PABPC1: variants seen among roughly 807,000 people sequenced by gnomAD.
PABPC1 encodes the protein polyadenylate-binding protein 1.
In PABPC1, 4 loss-of-function variants were observed where a neutral mutation model predicts 74.0. The ratio of observed to expected loss-of-function variants is 0.05; its 90% CI spans 0.03 to 0.12. PABPC1 has a LOEUF of 0.12. Among genes scored for constraint, PABPC1 ranks in the 10% least tolerant of loss-of-function variants. PABPC1 has a pLI of 1.00. For synonymous variants in PABPC1, 227 were observed against 264.1 expected (o/e 0.86, Z 1.36); for missense variants, 271 against 821.1 (o/e 0.33, Z 8.19).
At position 100,712,352 on chromosome 8, in the gene PABPC1, G is replaced by C. The variant is rs754801012; in HGVS notation, c.972+10C>G. The C allele has an allele frequency of 7.3e-7, 1 of 1,369,994 alleles. No homozygotes were observed. Among genetic ancestry groups the C allele is most frequent in the African/African-American group, 1.5e-5 (1 of 68,012 alleles). 84.9% of individuals were successfully genotyped at this position (1,369,994 alleles called of 1,614,324 possible). On this transcript the variant is annotated intron_variant, in intron 7 of 14. Coordinates refer to ENST00000318607, the MANE Select transcript of PABPC1 (RefSeq NM_002568.4). Reference sequence around the variant, plus strand: ...TAGACCTCAAATAAATGAACCATATGTTTTCTTACCTTTGCACTAGTGATT... The same window carrying C: ...TAGACCTCAAATAAATGAACCATATCTTTTCTTACCTTTGCACTAGTGATT...
At chr8:100,716,935 C>T (rs557104695) in intron 3 of PABPC1, among the ~76,000 whole-genome samples, 5 of 152,338 alleles carry the variant, frequency 3.3e-5, no homozygotes, top group African/African-American at 9.6e-5. Flanking sequence ...AGCAACATAT[C>T]ATTCTTTTCT....
At chr8:100,715,668 ATGGT>A (rs1810650901) in intron 3 of PABPC1, 67 bp from the exon 4 acceptor site, 3 of 1,210,140 alleles carry the variant, frequency 2.5e-6, no homozygotes, top group South Asian at 1.7e-5. Flanking sequence ...AGTAAGCCTG[ATGGT>A]TGGTTTTGTT....
intron 3 of PABPC1, among the ~76,000 whole-genome samples, chr8:100,716,261 TGTG>T (rs1288226958): frequency 6.6e-6 from 1 of 152,072 alleles, no homozygotes; most frequent in African/African-American, 2.4e-5. Context: ...ATTAGTTGGG[TGTG>T]GTGGTGTACA....
At chr8:100,713,803 G>C (rs1427173249) in intron 4 of PABPC1, among the ~76,000 whole-genome samples, 1 of 152,004 alleles carries the variant, frequency 6.6e-6, no homozygotes, top group Non-Finnish European at 1.5e-5. Flanking sequence ...GATTTTCTTT[G>C]TATCAATTAA....
Position 100,705,465 on chromosome 8 carries a change from T to A in PABPC1, c.1687+124A>T, listed in dbSNP as rs562040836. 3 of 734,134 alleles carry A rather than the reference T, an allele frequency of 4.1e-6. 1 individual carries two copies. Among genetic ancestry groups the A allele is most frequent in the South Asian group, 3.0e-5 (2 of 67,068 alleles). 45.5% of individuals were successfully genotyped at this position (734,134 alleles called of 1,614,324 possible). On this transcript the variant is annotated intron_variant, in intron 12 of 14. Transcript: ENST00000318607. The stretch of plus-strand genomic sequence containing the variant: ...ATTAGGCAGACCAACTGTACTATCA[T>A]AATCATTCATGCCAATTCAGATCAA...
Position 100,705,522 on chromosome 8 carries a change from T to C in PABPC1, c.1687+67A>G, listed in dbSNP as rs868808319. On this transcript the variant is annotated intron_variant, in intron 12 of 14. Transcript: ENST00000318607. The stretch of plus-strand genomic sequence containing the variant: ...TGCCCTAGCTGTCAATTGATTGACC[T>C]AGTGCCTAAGTGATTCCTATATTTT... 3.4e-5 allele frequency: 31 copies of C among 924,224 alleles called. No homozygotes were observed. The Middle Eastern group carries it at 2.9e-3, about 88-fold the overall frequency. The allele number at this position is 924,224 out of a possible 1,614,324, so 57.3% of individuals were successfully genotyped here.
intron 7 of PABPC1, 133 bp downstream of exon 7, chr8:100,712,229 T>C (rs950413329): frequency 9.9e-5 from 58 of 583,136 alleles, no homozygotes; most frequent in Admixed American, 1.7e-4. Context: ...CCAGTTCAAA[T>C]GTGAATTTAA....
At chr8:100,720,445 C>T (rs1041124408) in intron 1 of PABPC1, among the ~76,000 whole-genome samples, 2 of 152,200 alleles carry the variant, frequency 1.3e-5, no homozygotes, top group East Asian at 3.8e-4. Flanking sequence ...ACTTGAACTT[C>T]TTGCATGCTA....
chr8:100,713,350 T>A (rs1810579190), intron 4 of PABPC1, among the ~76,000 whole-genome samples, 169 bp from the exon 5 acceptor site: 1 of 152,176 alleles, frequency 6.6e-6, no homozygotes, highest in Admixed American at 6.6e-5. Flanking sequence ...TGAAAGACCT[T>A]TTATTATTAA....
intron 7 of PABPC1, 152 bp downstream of exon 7, chr8:100,712,210 C>T: frequency 1.8e-6 from 1 of 544,080 alleles, no homozygotes. Flanking sequence ...AACCATTAGG[C>T]TATGACAACC....
chr8:100,710,771 G>C (rs879752466), intron 7 of PABPC1, among the ~76,000 whole-genome samples: 1 of 152,100 alleles, frequency 6.6e-6, no homozygotes, highest in African/African-American at 2.4e-5. Context: ...TGGATCACCT[G>C]AAGTCAGGAG....
chr8:100,714,690 C>A (rs1431659850), intron 4 of PABPC1, among the ~76,000 whole-genome samples: 2 of 152,082 alleles, frequency 1.3e-5, no homozygotes, highest in Non-Finnish European at 2.9e-5. Context: ...GATCACGTGA[C>A]TGCACTCCAG....
rs993162796 is a variant in PABPC1 at position 100,706,291 on chromosome 8, G to C, written c.1602+360C>G. 2.0e-5 allele frequency among the ~76,000 whole-genome samples: 3 copies of C among 152,228 alleles called. No homozygotes were observed. In the South Asian group the frequency reaches 6.2e-4, roughly 31 times the overall value. On this transcript the variant is annotated intron_variant, in intron 11 of 14. Transcript: ENST00000318607. ...TGTTCCAGATAGGCTAAGCTCTCAA[G>C]AATCTATCATGCAGCTGTCTTCACA...
At position 100,721,008 on chromosome 8, in the gene PABPC1, T is replaced by G. The variant is rs1810809652; in HGVS notation, c.193+383A>C. Among the ~76,000 whole-genome samples, 1 of 151,916 alleles carries G rather than the reference T, an allele frequency of 6.6e-6. No individual in the cohort carries two copies. The highest frequency in any genetic ancestry group is 1.5e-5 in the Non-Finnish European group (1 of 67,992). On this transcript the variant is annotated intron_variant, in intron 1 of 14. Coordinates refer to ENST00000318607, the MANE Select transcript of PABPC1 (RefSeq NM_002568.4). This position sits in a 1 kb window ranked among gnomAD's most constrained non-coding sequence, Gnocchi z 7.4. ...GGGCGCCGGCAGGAGCTCCGGGTGG[T>G]GGGAGCGCCTCCACCTCTTACCCAC... is the stretch of plus-strand genomic sequence containing the variant.
At position 100,721,269 on chromosome 8, in the gene PABPC1, G is replaced by T; in HGVS notation, c.193+122C>A. ...GGACCCCGGCGCCTTCCCGCCGGCC[G>T]TCGCGGGGTGACATGCCCTCCCGCC... is the stretch of plus-strand genomic sequence containing the variant. On this transcript the variant is annotated intron_variant, in intron 1 of 14. Transcript: ENST00000318607. The surrounding 1 kb of genome is among the most constrained non-coding windows in gnomAD (Gnocchi z 7.4). The T allele has an allele frequency of 2.7e-6, 1 of 368,304 alleles. No homozygotes were observed. Among genetic ancestry groups the T allele is most frequent in the Non-Finnish European group, 3.9e-6 (1 of 256,906 alleles). The allele number at this position is 368,304 out of a possible 1,614,324, so 22.8% of individuals were successfully genotyped here.
intron 11 of PABPC1, among the ~76,000 whole-genome samples, 188 bp from the exon 12 acceptor site, chr8:100,705,861 CTTT>C (rs1184194984): frequency 6.6e-6 from 1 of 151,792 alleles, no homozygotes; most frequent in Non-Finnish European, 1.5e-5. Context: ...CATTTTTTTT[CTTT>C]TTGAGATGGA....
At chr8:100,711,821 A>G (rs1048102370) in intron 7 of PABPC1, among the ~76,000 whole-genome samples, 4 of 152,226 alleles carry the variant, frequency 2.6e-5, no homozygotes, top group Non-Finnish European at 5.9e-5. Context: ...CCCCAGCAAA[A>G]TTATGTATGC....
At chr8:100,712,304 T>G (rs949010837) in intron 7 of PABPC1, 58 bp downstream of exon 7, 1 of 963,840 alleles carries the variant, frequency 1.0e-6, no homozygotes, top group Non-Finnish European at 1.6e-6. Context: ...TATATACATA[T>G]ATCTACATGT....
At chr8:100,709,791 C>A in intron 7 of PABPC1, 60 bp from the exon 8 acceptor site, 1 of 1,470,842 alleles carries the variant, frequency 6.8e-7, no homozygotes, top group South Asian at 1.3e-5. Context: ...AAAAAAAGAG[C>A]GTTACAATTT....
Sources: allele counts gnomAD v4.1 joint callset (sites outside exome capture counted in the v4.1 genomes callset), GRCh38; gene constraint gnomAD v4.1.1; non-coding constraint Gnocchi (gnomAD v3.1); transcripts MANE v1.5; gene names NCBI Gene and HGNC (gene_info 2026-07-23, HGNC 2026-07-21).